The following DCUN1D2 variants were observed in gnomAD, a reference collection of about 807,000 sequenced individuals.
DCUN1D2 encodes DCN1-like protein 2.
Under a neutral mutation model 30.9 loss-of-function variants are expected in DCUN1D2, and 29 were observed. The observed-to-expected ratio is 0.94, with a 90% CI of 0.70 to 1.28. The LOEUF (loss-of-function observed/expected upper bound fraction) is 1.28. Ranked by LOEUF, DCUN1D2 falls within the 50% of genes most tolerant of loss-of-function variation. The probability of loss-of-function intolerance (pLI) is 0.00; values close to 1 mark genes in which losing one functional copy is unlikely to be tolerated. For synonymous variants in DCUN1D2, 121 were observed against 115.3 expected (o/e 1.05, Z -0.32); for missense variants, 325 against 316.9 (o/e 1.03, Z -0.19).
intron 6 of DCUN1D2, 128 bp downstream of exon 6, chr13:113,459,184 A>G (rs1279416759): frequency 3.4e-6 from 2 of 590,858 alleles, no homozygotes; most frequent in East Asian, 2.7e-5. Context: ...ACAGAAAATA[A>G]TAAGGAAGGG....
At chr13:113,461,545 A>T (rs1386032911) in intron 4 of DCUN1D2, among the ~76,000 whole-genome samples, 2 of 152,266 alleles carry the variant, frequency 1.3e-5, no homozygotes, top group African/African-American at 4.8e-5. Context: ...GAAGGAAGGG[A>T]CACACTGTTC....
intron 2 of DCUN1D2, among the ~76,000 whole-genome samples, chr13:113,481,101 A>G (rs1314797869): frequency 6.6e-6 from 1 of 152,232 alleles, no homozygotes; most frequent in East Asian, 1.9e-4. Context: ...CTGCTATAAA[A>G]TATACTGTAT....
chr13:113,461,997 A>T (rs2044326031), intron 4 of DCUN1D2, among the ~76,000 whole-genome samples: 2 of 152,216 alleles, frequency 1.3e-5, no homozygotes, highest in African/African-American at 4.8e-5. Flanking sequence ...TCACGCCTGT[A>T]ATCTCAGCAC....
intron 4 of DCUN1D2, among the ~76,000 whole-genome samples, chr13:113,461,952 C>A (rs997899693): frequency 1.2e-4 from 19 of 152,178 alleles, no homozygotes; most frequent in African/African-American, 4.6e-4. Flanking sequence ...GTTCAGAATT[C>A]TATTTTTTTA....
chr13:113,480,169 T>C lies in DCUN1D2; in HGVS notation c.389+406A>G, dbSNP rs78912803. Among the ~76,000 whole-genome samples the C allele has an allele frequency of 6.3e-3, 959 of 152,306 alleles. 36 individuals are homozygous for C. In the East Asian group the frequency reaches 0.12, roughly 19 times the overall value. ...CTTTATCCCAATCCTGTAGGTAGAATAGAAAAATGTTACAAGCAAAAACCA... is the reference window on the plus strand; with the variant it reads ...CTTTATCCCAATCCTGTAGGTAGAACAGAAAAATGTTACAAGCAAAAACCA... On this transcript the variant is annotated intron_variant, in intron 3 of 6. Transcript: ENST00000478244.
intron 4 of DCUN1D2, among the ~76,000 whole-genome samples, chr13:113,471,613 G>A (rs112551346): frequency 1.8e-4 from 28 of 152,302 alleles, no homozygotes; most frequent in African/African-American, 6.0e-4. Flanking sequence ...AAATTACTGG[G>A]CTTCAAAGCA....
intron 5 of DCUN1D2, among the ~76,000 whole-genome samples, chr13:113,460,723 C>G (rs184279728): frequency 6.6e-6 from 1 of 152,230 alleles, no homozygotes. Context: ...AGTGGAAAGA[C>G]AGAATTACCG....
At chr13:113,468,374 G>T (rs1409578218) in intron 4 of DCUN1D2, among the ~76,000 whole-genome samples, 1 of 152,188 alleles carries the variant, frequency 6.6e-6, no homozygotes, top group East Asian at 1.9e-4. Flanking sequence ...CAGTGGCTGG[G>T]GGAGAGGGGA....
Position 113,472,929 on chromosome 13 carries a change from C to T in DCUN1D2, c.520+1195G>A, listed in dbSNP as rs140083393. 5.8e-3 allele frequency among the ~76,000 whole-genome samples: 880 copies of T among 152,208 alleles called. 5 individuals are homozygous for T. The highest frequency in any genetic ancestry group is 0.02 in the African/African-American group (843 of 41,516). On this transcript the variant is annotated intron_variant, in intron 4 of 6. Coordinates refer to ENST00000478244, the MANE Select transcript of DCUN1D2 (RefSeq NM_001014283.2). ...AGCACCTGTTCTCTCTCACCAGCCC[C>T]GTCTCTCTCCCGTGTCCCCCTGCGC...
At chr13:113,470,346 C>G (rs1000164886) in intron 4 of DCUN1D2, among the ~76,000 whole-genome samples, 3 of 152,160 alleles carry the variant, frequency 2.0e-5, no homozygotes, top group African/African-American at 7.2e-5. Context: ...GACTGCCTAA[C>G]AATGCATTTC....
chr13:113,466,579 C>T (rs1363120425), intron 4 of DCUN1D2, among the ~76,000 whole-genome samples: 1 of 152,160 alleles, frequency 6.6e-6, no homozygotes, highest in African/African-American at 2.4e-5. Context: ...AGTGTGGAAA[C>T]TAACTTAAAT....
At chr13:113,467,752 AT>A (rs2044429933) in intron 4 of DCUN1D2, among the ~76,000 whole-genome samples, 1 of 152,162 alleles carries the variant, frequency 6.6e-6, no homozygotes, top group Non-Finnish European at 1.5e-5. Context: ...ACCCAAAAGA[AT>A]TAAAAGCGGG....
chr13:113,457,957 C>T lies in DCUN1D2; in HGVS notation c.*72G>A. On this transcript the variant is annotated 3_prime_UTR_variant, in exon 7 of 7. Transcript: ENST00000478244. Reference sequence around the variant, plus strand: ...GACTTCTGGAATCAGCGACAATGCACCCAGGAACTGACTGCAATCTCCTTG... The same window carrying T: ...GACTTCTGGAATCAGCGACAATGCATCCAGGAACTGACTGCAATCTCCTTG... 1 of 1,373,398 alleles carries T rather than the reference C, an allele frequency of 7.3e-7. No individual in the cohort carries two copies. The highest frequency in any genetic ancestry group is 1.0e-6 in the Non-Finnish European group (1 of 962,492). 85.1% of individuals were successfully genotyped at this position (1,373,398 alleles called of 1,614,324 possible). A position where few individuals can be genotyped will look rare whatever the true frequency, so the allele number is the denominator to read the frequency against.
At chr13:113,466,630 C>A (rs1416034784) in intron 4 of DCUN1D2, among the ~76,000 whole-genome samples, 1 of 152,094 alleles carries the variant, frequency 6.6e-6, no homozygotes, top group Non-Finnish European at 1.5e-5. Flanking sequence ...AGTCTGCAGA[C>A]CAAGAGCTCA....
At chr13:113,462,927 C>G (rs1163356638) in intron 4 of DCUN1D2, 1 of 1,201,746 alleles carries the variant, frequency 8.3e-7, no homozygotes, top group South Asian at 1.5e-5. Context: ...TTATGGCACA[C>G]ATTTAATCTA....
chr13:113,464,496 G>A (rs1226140937), intron 4 of DCUN1D2, among the ~76,000 whole-genome samples: 1 of 152,212 alleles, frequency 6.6e-6, no homozygotes, highest in Admixed American at 6.5e-5. Context: ...ACTCTGAACT[G>A]GGCAATTAAT....
intron 4 of DCUN1D2, among the ~76,000 whole-genome samples, chr13:113,466,534 C>T (rs1265465899): frequency 6.6e-6 from 1 of 152,146 alleles, no homozygotes; most frequent in Non-Finnish European, 1.5e-5. Context: ...AATAATAAAT[C>T]TTCAGTGCCT....
intron 4 of DCUN1D2, among the ~76,000 whole-genome samples, chr13:113,469,964 G>A (rs899476796): frequency 6.6e-6 from 1 of 152,054 alleles, no homozygotes; most frequent in Non-Finnish European, 1.5e-5. Flanking sequence ...TAGTAATGAG[G>A]AAATCACACT....
chr13:113,475,291 T>C (rs1232105789), intron 3 of DCUN1D2: 3 of 152,204 alleles, frequency 2.0e-5, no homozygotes, highest in Admixed American at 1.3e-4. Flanking sequence ...CTGCAACGTC[T>C]AGCACAACGC....
Sources: gnomAD v4.1 joint callset for allele counts (sites outside exome capture counted in the v4.1 genomes callset) on GRCh38, gnomAD v4.1.1 for gene constraint, MANE v1.5 for transcripts, NCBI Gene and HGNC (gene_info 2026-07-23, HGNC 2026-07-21) for gene names.